The following PHKB variants were observed in gnomAD, a reference collection of about 807,000 sequenced individuals.
PHKB encodes the protein phosphorylase b kinase regulatory subunit beta.
In PHKB, 122 loss-of-function variants were observed where a neutral mutation model predicts 152.1. The ratio of observed to expected loss-of-function variants is 0.80; its 90% CI spans 0.69 to 0.93. The LOEUF (loss-of-function observed/expected upper bound fraction) is 0.93. Ranked by LOEUF, PHKB falls within the 40% of genes least tolerant of loss-of-function variation. The probability of loss-of-function intolerance (pLI) is 0.00; values close to 1 mark genes in which losing one functional copy is unlikely to be tolerated. For synonymous variants in PHKB, 436 were observed against 464.9 expected (o/e 0.94, Z 0.80); for missense variants, 1,304 against 1,328.4 (o/e 0.98, Z 0.29).
intron 4 of PHKB, among the ~76,000 whole-genome samples, chr16:47,506,124 C>A (rs529966399): frequency 4.0e-5 from 6 of 149,388 alleles, no homozygotes; most frequent in Non-Finnish European, 8.9e-5. Context: ...GAGGCTGAGG[C>A]AGGCAGGTAA....
intron 23 of PHKB, 93 bp downstream of exon 23, chr16:47,661,893 A>G: frequency 1.2e-6 from 1 of 843,936 alleles, no homozygotes. Flanking sequence ...AAAATGTTAC[A>G]AGTTATTTCC....
chr16:47,526,569 GC>G (rs1462983786), intron 6 of PHKB, among the ~76,000 whole-genome samples: 1 of 151,820 alleles, frequency 6.6e-6, no homozygotes, highest in African/African-American at 2.4e-5. Flanking sequence ...AACGGTCAGG[GC>G]ACCACTGAAC....
intron 13 of PHKB, among the ~76,000 whole-genome samples, chr16:47,598,415 C>A (rs1972161243): frequency 6.6e-6 from 1 of 152,132 alleles, no homozygotes; most frequent in Non-Finnish European, 1.5e-5. Context: ...TTCAAATCTT[C>A]CCATGACCTC....
chr16:47,633,537 T>C (rs1363955401), intron 14 of PHKB, among the ~76,000 whole-genome samples: 1 of 152,164 alleles, frequency 6.6e-6, no homozygotes. Context: ...GTGCCAGCTA[T>C]TCCTAGTAGG....
intron 14 of PHKB, among the ~76,000 whole-genome samples, chr16:47,623,139 C>A (rs879601409): frequency 1.8e-4 from 27 of 152,212 alleles, no homozygotes; most frequent in Non-Finnish European, 2.9e-5. Context: ...GAATAATGAT[C>A]CCTAACTCAG....
At chr16:47,644,748 G>T (rs1346939730) in intron 16 of PHKB, among the ~76,000 whole-genome samples, 1 of 152,188 alleles carries the variant, frequency 6.6e-6, no homozygotes, top group African/African-American at 2.4e-5. Flanking sequence ...TGTTTTAGCT[G>T]TTGGGAAGGG....
At chr16:47,678,773 A>G (rs1166066055) in intron 26 of PHKB, among the ~76,000 whole-genome samples, 1 of 151,928 alleles carries the variant, frequency 6.6e-6, no homozygotes, top group Non-Finnish European at 1.5e-5. Context: ...TCTTTAGTTT[A>G]ATTAGATCCC....
rs762534351 is a variant in PHKB at position 47,650,852 on chromosome 16, A to G, written c.1902A>G (p.Ile634Met). The part of the protein sequence containing the change: ...DNIRGSRFNP[I>M]LDMLAALKKG... Reference sequence around the variant, plus strand: ...TTAGAGGTAGCCGGTTCAACCCCATATTAGATATGCTGGCAGCCCTTAAAA... The same window carrying G: ...TTAGAGGTAGCCGGTTCAACCCCATGTTAGATATGCTGGCAGCCCTTAAAA... Residue 634 changes from isoleucine to methionine, a missense_variant, in exon 20 of 31, where the codon ATA (isoleucine) becomes ATG (methionine). Physicochemically the swap from Ile to Met is conservative, Grantham distance 10 (BLOSUM62 1). Transcript: ENST00000323584. The G allele has an allele frequency of 4.3e-6, 7 of 1,613,198 alleles. No homozygotes were observed. Among genetic ancestry groups the G allele is most frequent in the Non-Finnish European group, 5.9e-6 (7 of 1,179,330 alleles).
chr16:47,544,326 T>G lies in PHKB; in HGVS notation c.595-3107T>G, dbSNP rs377147470. Among the ~76,000 whole-genome samples the G allele has an allele frequency of 3.9e-5, 6 of 152,234 alleles. No individual in the cohort carries two copies. The East Asian group carries it at 1.2e-3, about 29-fold the overall frequency. On this transcript the variant is annotated intron_variant, in intron 6 of 30. Coordinates refer to ENST00000323584, the MANE Select transcript of PHKB (RefSeq NM_000293.3). ...TGGTTTCAAAGAACATCTTTATTTC[T>G]GCCTTCATTTCGTTATGTACCCAGT...
intron 14 of PHKB, among the ~76,000 whole-genome samples, chr16:47,628,835 A>G (rs898000495): frequency 6.6e-6 from 1 of 152,136 alleles, no homozygotes; most frequent in Non-Finnish European, 1.5e-5. Context: ...ATATAGATCA[A>G]TGGAACAGAA....
chr16:47,469,961 T>C (rs1193135633), intron 1 of PHKB, among the ~76,000 whole-genome samples: 1 of 152,228 alleles, frequency 6.6e-6, no homozygotes, highest in Non-Finnish European at 1.5e-5. Flanking sequence ...TAATGATTTT[T>C]CATGCTATGA....
rs186115019 is a variant in PHKB, at chr16:47,602,916, G to A, written c.1363+6385G>A. Among the ~76,000 whole-genome samples, 23 of 152,148 alleles carry A rather than the reference G, an allele frequency of 1.5e-4. No individual in the cohort carries two copies. In the East Asian group the frequency reaches 3.5e-3, roughly 23 times the overall value. ...AGTAGCTCACTAACAAGAGTTATAG[G>A]AAATACTTCTCTCTGTCTCTCTCTC... is the stretch of plus-strand genomic sequence containing the variant. On this transcript the variant is annotated intron_variant, in intron 13 of 30. Transcript: ENST00000323584.
intron 13 of PHKB, among the ~76,000 whole-genome samples, chr16:47,610,458 A>G (rs1328939937): frequency 6.6e-6 from 1 of 152,076 alleles, no homozygotes; most frequent in Non-Finnish European, 1.5e-5. Flanking sequence ...ATTTTCATTC[A>G]TCTCATCAGA....
rs923731130 is a variant in PHKB at position 47,480,828 on chromosome 16, G to C, written c.77-16571G>C. On this transcript the variant is annotated intron_variant, in intron 1 of 30. Transcript: ENST00000323584. ...TTTCGTATTACATAAAAAACTAATA[G>C]TCCATAAAAATATGGTAAAGTTAAG... 2.0e-5 allele frequency among the ~76,000 whole-genome samples: 3 copies of C among 151,854 alleles called. No individual in the cohort carries two copies. The East Asian group carries it at 5.8e-4, about 29-fold the overall frequency.
intron 6 of PHKB, among the ~76,000 whole-genome samples, chr16:47,533,343 C>T (rs1483680497): frequency 1.3e-5 from 2 of 152,164 alleles, no homozygotes; most frequent in African/African-American, 4.8e-5. Context: ...GACTGGCAGT[C>T]CAGCCGCCAG....
intron 6 of PHKB, among the ~76,000 whole-genome samples, chr16:47,535,424 C>G (rs963248053): frequency 2.0e-5 from 3 of 152,246 alleles, no homozygotes; most frequent in Admixed American, 6.5e-5. Flanking sequence ...CTAATTTCTC[C>G]ATAATAAATT....
Position 47,471,258 on chromosome 16 carries a change from C to A in PHKB, c.76+9832C>A, listed in dbSNP as rs76144640. Among the ~76,000 whole-genome samples, 78 of 152,136 alleles carry A rather than the reference C, an allele frequency of 5.1e-4. 2 individuals carry two copies. The East Asian group carries it at 0.015, about 29-fold the overall frequency. On this transcript the variant is annotated intron_variant, in intron 1 of 30. Transcript: ENST00000323584. ...GGGTATTTAAAGCGTACTGAAAAGG[C>A]CATTATGGGTAAAGCATTGTGAATG...
At chr16:47,664,439 T>C (rs1973501510) in intron 24 of PHKB, 1 of 175,522 alleles carries the variant, frequency 5.7e-6, no homozygotes, top group South Asian at 1.3e-4. Flanking sequence ...AAAAAAAAAG[T>C]CTCAAGAATG....
chr16:47,689,011 T>C (rs1974013664), intron 26 of PHKB, 30 bp from the exon 27 acceptor site: 3 of 1,612,954 alleles, frequency 1.9e-6, no homozygotes, highest in Non-Finnish European at 2.5e-6. Context: ...TCAAGAGTTA[T>C]TGATTCATGC....
Sources: gnomAD v4.1 joint callset for allele counts (sites outside exome capture counted in the v4.1 genomes callset) on GRCh38, gnomAD v4.1.1 for gene constraint, MANE v1.5 for transcripts, NCBI Gene and HGNC (gene_info 2026-07-23, HGNC 2026-07-21) for gene names.